Variants in OSBPL1A observed in about 807,000 individuals in gnomAD.
OSBPL1A encodes the protein oxysterol-binding protein-related protein 1.
In OSBPL1A, 80 loss-of-function variants were observed where a neutral mutation model predicts 137.1. That is an observed-to-expected ratio of 0.58 (90% CI 0.49 to 0.70). OSBPL1A has a LOEUF of 0.70. OSBPL1A is among the 30% of genes least tolerant of loss of function. OSBPL1A has a pLI of 0.00. For missense variants in OSBPL1A, 970 were observed against 1,129.4 expected (o/e 0.86, Z 2.02); for synonymous variants, 365 against 389.7 (o/e 0.94, Z 0.75).
intron 21 of OSBPL1A, among the ~76,000 whole-genome samples, chr18:24,175,117 T>TATATAC (rs2086403721): frequency 2.8e-5 from 1 of 35,638 alleles, no homozygotes; most frequent in African/African-American, 5.7e-5. Flanking sequence ...TGTATATATA[T>TATATAC]ATATATATAT....
intron 15 of OSBPL1A, among the ~76,000 whole-genome samples, chr18:24,279,589 C>G (rs983850536): frequency 1.3e-5 from 2 of 151,966 alleles, no homozygotes; most frequent in African/African-American, 4.8e-5. Context: ...TAAACTAAAA[C>G]AAGAATAAGA....
chr18:24,247,539 T>G (rs1233054028), intron 15 of OSBPL1A, among the ~76,000 whole-genome samples: 1 of 152,206 alleles, frequency 6.6e-6, no homozygotes, highest in Non-Finnish European at 1.5e-5. Flanking sequence ...CTCAGCTCAC[T>G]GCAACCTCTG....
chr18:24,163,412 C>T (rs1361568748), intron 27 of OSBPL1A, 131 bp from the exon 28 acceptor site: 2 of 603,044 alleles, frequency 3.3e-6, no homozygotes, highest in Non-Finnish European at 2.9e-6. Flanking sequence ...TAAAGAGATG[C>T]TGAAGTGATG....
At chr18:24,379,150 A>C (rs907238249) in intron 1 of OSBPL1A, among the ~76,000 whole-genome samples, 9 of 152,232 alleles carry the variant, frequency 5.9e-5, no homozygotes, top group Non-Finnish European at 1.0e-4. Context: ...GCAAAAATTA[A>C]AACTTCAATA....
At chr18:24,329,009 T>C (rs2091029400) in intron 7 of OSBPL1A, among the ~76,000 whole-genome samples, 1 of 152,114 alleles carries the variant, frequency 6.6e-6, no homozygotes, top group Admixed American at 6.5e-5. Context: ...ACAGTGAGAG[T>C]CTAGAGCATA....
chr18:24,312,078 G>C lies in OSBPL1A; in HGVS notation c.998C>G (p.Ser333Cys). ...EDWLEAIEEHSAYSTHYCSQD... is the reference protein window; with the variant it reads ...EDWLEAIEEHCAYSTHYCSQD... ...GGAACAGTAGTGAGTGCTGTAAGCA[G>C]AATGTTCTTCTATTGCTTCCAGCCA... The change falls in exon 13 of 28, where the codon TCT becomes TGT. Residue 333 changes from serine (S) to cysteine (C), a missense_variant. By Grantham distance (112) the Ser-to-Cys change is moderately radical. Around this residue, in one of 2 missense-constraint regions of OSBPL1A, gnomAD observed 647 missense variants for 672.6 expected, o/e 0.96. Coordinates refer to ENST00000319481, the MANE Select transcript of OSBPL1A (RefSeq NM_080597.4). The C allele has an allele frequency of 1.2e-6, 2 of 1,614,028 alleles. No individual in the cohort carries two copies.
chr18:24,184,990 T>G (rs1368046135), intron 18 of OSBPL1A, among the ~76,000 whole-genome samples: 2 of 152,174 alleles, frequency 1.3e-5, no homozygotes, highest in Non-Finnish European at 2.9e-5. Flanking sequence ...TGGAATATTA[T>G]TCAGTGCTAA....
In OSBPL1A at chr18:24,366,818, A is replaced by G. The variant is rs907830468; in HGVS notation, c.282+74T>C. 7 of 1,449,420 alleles carry G rather than the reference A, an allele frequency of 4.8e-6. No individual in the cohort carries two copies. The African/African-American group carries it at 5.7e-5, about 12-fold the overall frequency. 89.8% of individuals were successfully genotyped at this position (1,449,420 alleles called of 1,614,324 possible). On this transcript the variant is annotated intron_variant, in intron 4 of 27. Transcript: ENST00000319481. Reference sequence around the variant, plus strand: ...TTCTTCGGTTGCTGGTCAGATGGTTATAACAGAGAAAACAATGGTAACTAC... The same window carrying G: ...TTCTTCGGTTGCTGGTCAGATGGTTGTAACAGAGAAAACAATGGTAACTAC...
chr18:24,181,962 T>C (rs1318961998), intron 18 of OSBPL1A, among the ~76,000 whole-genome samples: 4 of 152,236 alleles, frequency 2.6e-5, no homozygotes, highest in Non-Finnish European at 1.5e-5. Context: ...TTCAAATATA[T>C]GTGTTAAAAC....
Position 24,250,524 on chromosome 18 carries a change from C to T in OSBPL1A, c.1282-11142G>A, listed in dbSNP as rs139860404. Reference sequence around the variant, plus strand: ...TCCTGGGCCAGAAGGGAACCTGCTGCCTAGAAGGAAAGGACCCAGTCCTGG... The same window carrying T: ...TCCTGGGCCAGAAGGGAACCTGCTGTCTAGAAGGAAAGGACCCAGTCCTGG... On this transcript the variant is annotated intron_variant, in intron 15 of 27. Transcript: ENST00000319481. Among the ~76,000 whole-genome samples, 1,370 of 152,228 alleles carry T rather than the reference C, an allele frequency of 9.0e-3. 17 individuals carry two copies. The highest frequency in any genetic ancestry group is 0.031 in the African/African-American group (1,272 of 41,534).
chr18:24,269,504 G>T (rs1245583142), intron 15 of OSBPL1A, among the ~76,000 whole-genome samples: 1 of 152,170 alleles, frequency 6.6e-6, no homozygotes, highest in African/African-American at 2.4e-5. Context: ...TATGAAGACA[G>T]ACTGGTCTAG....
chr18:24,390,566 A>T (rs564308313), intron 1 of OSBPL1A, among the ~76,000 whole-genome samples: 2 of 151,854 alleles, frequency 1.3e-5, no homozygotes, highest in South Asian at 4.2e-4. Flanking sequence ...ATGGTGGCAC[A>T]TGCCTGTAAT....
intron 13 of OSBPL1A, among the ~76,000 whole-genome samples, chr18:24,309,333 A>C (rs2090569851): frequency 6.6e-6 from 1 of 152,164 alleles, no homozygotes; most frequent in Non-Finnish European, 1.5e-5. Flanking sequence ...TTATACTGAA[A>C]AACTAACTCA....
chr18:24,306,434 A>C (rs1194139419), intron 13 of OSBPL1A, among the ~76,000 whole-genome samples: 3 of 152,196 alleles, frequency 2.0e-5, no homozygotes, highest in Non-Finnish European at 4.4e-5. Context: ...GAAAATCCAC[A>C]TTTGGTTAAT....
intron 16 of OSBPL1A, among the ~76,000 whole-genome samples, chr18:24,237,887 C>T (rs888487796): frequency 6.6e-6 from 1 of 152,212 alleles, no homozygotes; most frequent in Non-Finnish European, 1.5e-5. Context: ...CTCTTCCCAA[C>T]GTGAGTCACT....
intron 12 of OSBPL1A, among the ~76,000 whole-genome samples, chr18:24,313,218 G>A (rs186536357): frequency 1.3e-5 from 2 of 151,408 alleles, no homozygotes; most frequent in East Asian, 3.9e-4. Context: ...TGAGGTGGGC[G>A]GATCACAAGG....
At chr18:24,210,786 T>C (rs1332079021) in intron 17 of OSBPL1A, among the ~76,000 whole-genome samples, 1 of 152,168 alleles carries the variant, frequency 6.6e-6, no homozygotes, top group Non-Finnish European at 1.5e-5. Context: ...TCCTCCCACC[T>C]TGGCCTCCCA....
chr18:24,291,777 A>T (rs2090177221), intron 14 of OSBPL1A, among the ~76,000 whole-genome samples: 1 of 151,664 alleles, frequency 6.6e-6, no homozygotes, highest in Non-Finnish European at 1.5e-5. Context: ...AGGGAAAAAA[A>T]AAAACGAGAG....
At chr18:24,352,558 A>G (rs1472702165) in intron 4 of OSBPL1A, among the ~76,000 whole-genome samples, 2 of 152,046 alleles carry the variant, frequency 1.3e-5, no homozygotes, top group Non-Finnish European at 2.9e-5. Flanking sequence ...AGAACTGGAA[A>G]AAACTACTTT....
Sources: gnomAD v4.1 joint callset for allele counts (sites outside exome capture counted in the v4.1 genomes callset) on GRCh38, gnomAD v4.1.1 for gene constraint, gnomAD v4.1.1 regional missense constraint, MANE v1.5 for transcripts, NCBI Gene and HGNC (gene_info 2026-07-23, HGNC 2026-07-21) for gene names.